Variants in IL23R observed in about 807,000 individuals in gnomAD.
IL23R encodes the protein interleukin 23 receptor.
Under a neutral mutation model 56.9 loss-of-function variants are expected in IL23R, and 34 were observed. That is an observed-to-expected ratio of 0.60 (90% CI 0.45 to 0.80). The LOEUF is 0.80. Among genes scored for constraint, IL23R ranks in the 30% least tolerant of loss-of-function variants. The probability of loss-of-function intolerance (pLI) is 0.00; values close to 1 mark genes in which losing one functional copy is unlikely to be tolerated. For synonymous variants in IL23R, 230 were observed against 249.2 expected (o/e 0.92, Z 0.73); for missense variants, 635 against 730.0 (o/e 0.87, Z 1.50).
chr1:67,212,965 C>T (rs896847832), intron 6 of IL23R, among the ~76,000 whole-genome samples: 6 of 152,030 alleles, frequency 3.9e-5, no homozygotes, highest in African/African-American at 1.4e-4. Context: ...CCTCTGCTTC[C>T]CGGGTTCAAG....
At chr1:67,162,155 A>G (rs756070268), upstream of IL23R, among the ~76,000 whole-genome samples, 1 of 151,920 alleles carries the variant, frequency 6.6e-6, no homozygotes, top group South Asian at 2.1e-4. Flanking sequence ...AAAAAAAAAA[A>G]GTAATGGTTC....
chr1:67,147,132 T>C (rs572168550), intron 1 of IL23R, among the ~76,000 whole-genome samples: 1 of 152,142 alleles, frequency 6.6e-6, no homozygotes, highest in South Asian at 2.1e-4. Context: ...GGCAAACACC[T>C]AGAGGAGACA....
At chr1:67,209,779 C>G (rs1649331203) in intron 6 of IL23R, among the ~76,000 whole-genome samples, 1 of 152,132 alleles carries the variant, frequency 6.6e-6, no homozygotes, top group Non-Finnish European at 1.5e-5. Flanking sequence ...TTAGGAAAAC[C>G]ACTCTAGCTT....
chr1:67,219,801 C>T, intron 7 of IL23R, 71 bp downstream of exon 7: 1 of 1,431,498 alleles, frequency 7.0e-7, no homozygotes, highest in Non-Finnish European at 9.8e-7. Flanking sequence ...CACAGTGGCT[C>T]ACACCTATAA....
intron 9 of IL23R, among the ~76,000 whole-genome samples, chr1:67,244,887 A>G (rs962940643): frequency 1.3e-5 from 2 of 152,306 alleles, no homozygotes; most frequent in African/African-American, 4.8e-5. Context: ...CATTGAATCT[A>G]TAAATTACTT....
chr1:67,164,223 C>T (rs769451492), upstream of IL23R, among the ~76,000 whole-genome samples: 2 of 152,150 alleles, frequency 1.3e-5, no homozygotes, highest in Non-Finnish European at 2.9e-5. Flanking sequence ...GGGCAGAGCA[C>T]GGTGACTCAC....
chr1:67,204,953 A>G (rs1203832144), intron 5 of IL23R, among the ~76,000 whole-genome samples: 1 of 151,962 alleles, frequency 6.6e-6, no homozygotes, highest in African/African-American at 2.4e-5. Context: ...TAAGTTTTGT[A>G]TTTTTAGTAG....
chr1:67,187,836 C>T (rs902366567), intron 4 of IL23R, among the ~76,000 whole-genome samples: 1 of 152,102 alleles, frequency 6.6e-6, no homozygotes, highest in African/African-American at 2.4e-5. Context: ...GAGGCTGAGG[C>T]AGATGGATCA....
chr1:67,185,980 A>C (rs1056032884), intron 4 of IL23R, among the ~76,000 whole-genome samples: 2 of 152,230 alleles, frequency 1.3e-5, no homozygotes, highest in Non-Finnish European at 2.9e-5. Context: ...TGGGGAGCTC[A>C]CATTACCTCT....
At chr1:67,262,636 T>C (rs1653228910), downstream of IL23R, among the ~76,000 whole-genome samples, 1 of 152,176 alleles carries the variant, frequency 6.6e-6, no homozygotes, top group African/African-American at 2.4e-5. Context: ...ATCTTAACCT[T>C]CTTAAGCCAG....
chr1:67,171,672 T>C (rs1220797493), intron 3 of IL23R, among the ~76,000 whole-genome samples: 1 of 152,196 alleles, frequency 6.6e-6, no homozygotes, highest in East Asian at 1.9e-4. Flanking sequence ...AACTAGTCTG[T>C]GGGAGTTTTA....
intron 6 of IL23R, among the ~76,000 whole-genome samples, chr1:67,211,898 A>G (rs1403217148): frequency 6.6e-6 from 1 of 152,202 alleles, no homozygotes; most frequent in Non-Finnish European, 1.5e-5. Context: ...AATATTTGTT[A>G]TCTCATATGC....
intron 7 of IL23R, among the ~76,000 whole-genome samples, chr1:67,228,380 T>TTTTTTTTTTTTA (rs1650882799): frequency 8.1e-6 from 1 of 123,326 alleles, no homozygotes; most frequent in African/African-American, 3.2e-5. Flanking sequence ...TTTTTTTTTG[T>TTTTTTTTTTTTA]AGAGACAGGG....
At chr1:67,150,984 T>C (rs549321700) in intron 1 of IL23R, among the ~76,000 whole-genome samples, 2 of 152,328 alleles carry the variant, frequency 1.3e-5, no homozygotes, top group African/African-American at 4.8e-5. Flanking sequence ...AATGAGATGC[T>C]GGGTCAAATG....
At chr1:67,249,647 A>C (rs559787680) in intron 9 of IL23R, among the ~76,000 whole-genome samples, 2 of 152,146 alleles carry the variant, frequency 1.3e-5, no homozygotes, top group Non-Finnish European at 2.9e-5. Flanking sequence ...TGACAATCCC[A>C]TGTAACTAAA....
upstream of IL23R, among the ~76,000 whole-genome samples, chr1:67,162,373 G>A (rs1239180504): frequency 6.6e-6 from 1 of 152,030 alleles, no homozygotes; most frequent in Non-Finnish European, 1.5e-5. Context: ...TGTAGTCCCA[G>A]CTACTCAGGA....
At chr1:67,185,742 T>G (rs754231091) in intron 4 of IL23R, among the ~76,000 whole-genome samples, 24 of 152,186 alleles carry the variant, frequency 1.6e-4, no homozygotes, top group Non-Finnish European at 1.3e-4. Flanking sequence ...ACCAGCTACA[T>G]GCCATTGGCA....
upstream of IL23R, among the ~76,000 whole-genome samples, chr1:67,162,644 A>T (rs1421390950): frequency 6.6e-6 from 1 of 152,228 alleles, no homozygotes; most frequent in East Asian, 1.9e-4. Context: ...CTTCACATAT[A>T]TCTATATGAC....
chr1:67,178,958 G>A (rs2102572941), intron 3 of IL23R, among the ~76,000 whole-genome samples: 1 of 152,308 alleles, frequency 6.6e-6, no homozygotes, highest in East Asian at 1.9e-4. Flanking sequence ...TGCCTCCCAG[G>A]GAGGAAGCCC....
Sources: allele counts gnomAD v4.1 joint callset (sites outside exome capture counted in the v4.1 genomes callset), GRCh38; gene constraint gnomAD v4.1.1; transcripts MANE v1.5; gene names NCBI Gene and HGNC (gene_info 2026-07-23, HGNC 2026-07-21).